The following CAGE1 variants were observed in gnomAD, a reference collection of about 807,000 sequenced individuals.
CAGE1 encodes cancer-associated gene 1 protein.
CAGE1 carries 66 observed loss-of-function variants against 94.9 expected under a neutral mutation model. The observed-to-expected ratio is 0.70, with a 90% CI of 0.57 to 0.85. The LOEUF is 0.85. CAGE1 is among the 40% of genes least tolerant of loss of function. CAGE1 has a pLI of 0.00. For synonymous variants in CAGE1, 319 were observed against 321.0 expected (o/e 0.99, Z 0.07); for missense variants, 865 against 950.4 (o/e 0.91, Z 1.18).
At position 7,339,080 on chromosome 6, in the gene CAGE1, AG is replaced by A. The variant is rs1394130475; in HGVS notation, c.2370-4991del. On this transcript the variant is annotated intron_variant, in intron 11 of 13. Transcript: ENST00000502583. This position sits in a 1 kb window ranked among gnomAD's most constrained non-coding sequence, Gnocchi z 4.7. ...CAGCAGTGTCAACGTAGTAGTTAAC[AG>A]GGTCTCTGCTGTGGATCATCAGGCC... 1.6e-5 allele frequency: 25 copies of A among 1,599,816 alleles called. 1 individual carries two copies. In the Admixed American group the frequency reaches 2.3e-4, roughly 15 times the overall value.
Position 7,359,926 on chromosome 6 carries a change from G to C in CAGE1, c.2194-3797C>G, listed in dbSNP as rs532032727. ...GATTATCTTATAGTTCTGTAGGTGG[G>C]AAGTCTGGCACAGGTCTCACTGGGC... is the stretch of plus-strand genomic sequence containing the variant. On this transcript the variant is annotated intron_variant, in intron 9 of 13. Transcript: ENST00000502583. Among the ~76,000 whole-genome samples the C allele has an allele frequency of 2.6e-5, 4 of 152,272 alleles. No homozygotes were observed. In the South Asian group the frequency reaches 8.3e-4, roughly 32 times the overall value.
At chr6:7,381,105 T>G (rs1224330044) in intron 3 of CAGE1, among the ~76,000 whole-genome samples, 2 of 152,240 alleles carry the variant, frequency 1.3e-5, no homozygotes, top group African/African-American at 2.4e-5. Context: ...ATCTTCTTGT[T>G]GTATACTGTT....
chr6:7,388,338 C>G (rs538479649), intron 1 of CAGE1, among the ~76,000 whole-genome samples: 7 of 152,312 alleles, frequency 4.6e-5, no homozygotes, highest in African/African-American at 1.7e-4. Context: ...GTGCTTCTCT[C>G]CTAAAACCTT....
At chr6:7,333,630 CTATCTAACTATCTATAT>C (rs1758834047) in intron 12 of CAGE1, among the ~76,000 whole-genome samples, 11 of 64,490 alleles carry the variant, frequency 1.7e-4, no homozygotes, top group African/African-American at 9.5e-4. Context: ...ATCTAACTAT[CTATCTAACTATCTATAT>C]ATATATATAT....
At chr6:7,347,515 T>TGGGGGGGG (rs1561853738) in intron 11 of CAGE1, 4 of 15,350 alleles carry the variant, frequency 2.6e-4, no homozygotes, top group African/African-American at 3.2e-4. Context: ...GGGGGGGGGG[T>TGGGGGGGG]TGGGGGGGGC....
At chr6:7,363,288 G>A (rs1275164604) in intron 9 of CAGE1, among the ~76,000 whole-genome samples, 3 of 151,832 alleles carry the variant, frequency 2.0e-5, no homozygotes, top group Admixed American at 1.3e-4. Flanking sequence ...ACAAACAAAT[G>A]TAATACTAAC....
chr6:7,352,290 C>CAAAAAAAAAA (rs77426667), intron 11 of CAGE1, among the ~76,000 whole-genome samples: 168 of 42,584 alleles, frequency 3.9e-3, no homozygotes, highest in Non-Finnish European at 7.8e-3. Context: ...ACAATAGCTG[C>CAAAAAAAAAA]AAAAAAAAAA....
intron 11 of CAGE1, chr6:7,338,835 C>A: frequency 9.0e-7 from 1 of 1,116,606 alleles, no homozygotes; most frequent in African/African-American, 1.5e-5. Flanking sequence ...CCAAGGAGAT[C>A]CTGTTATGCT....
At chr6:7,370,188 T>C (rs1760493121) in intron 5 of CAGE1, 123 bp from the exon 6 acceptor site, 1 of 549,182 alleles carries the variant, frequency 1.8e-6, no homozygotes, top group Non-Finnish European at 3.0e-6. Flanking sequence ...AACTTTTTCA[T>C]CTTAGGATCC....
rs529227951 is a variant in CAGE1, at chr6:7,385,308, G to A, written c.283+477C>T. Among the ~76,000 whole-genome samples the A allele has an allele frequency of 3.5e-3, 490 of 141,742 alleles. 4 individuals are homozygous for A. Among genetic ancestry groups the A allele is most frequent in the Middle Eastern group, 0.014 (4 of 288 alleles). 93.0% of individuals were successfully genotyped at this position (141,742 alleles called of 152,430 possible). A position where few individuals can be genotyped will look rare whatever the true frequency, so the allele number is the denominator to read the frequency against. Reference sequence around the variant, plus strand: ...GCGTGAGCCACCGTGCCTGGCCCCCGCTTTTTTTTTTTAAGAGACAGGTTC... The same window carrying A: ...GCGTGAGCCACCGTGCCTGGCCCCCACTTTTTTTTTTTAAGAGACAGGTTC... On this transcript the variant is annotated intron_variant, in intron 3 of 13. Coordinates refer to ENST00000502583, the MANE Select transcript of CAGE1 (RefSeq NM_001170692.2).
rs538778744 is a variant in CAGE1 at position 7,341,651 on chromosome 6, G to T, written c.2370-7561C>A. 35 of 736,926 alleles carry T rather than the reference G, an allele frequency of 4.7e-5. 1 individual carries two copies. The highest frequency in any genetic ancestry group is 4.6e-4 in the South Asian group (34 of 74,256). The allele number at this position is 736,926 out of a possible 1,614,324, so 45.6% of individuals were successfully genotyped here. On this transcript the variant is annotated intron_variant, in intron 11 of 13. Transcript: ENST00000502583. ...TTTGCAACAGTGATCTCACTCTCCA[G>T]GTGGACAGGAATCAACTCAACCTTC...
chr6:7,342,183 C>CT (rs1759205011), intron 11 of CAGE1: 3 of 984,692 alleles, frequency 3.0e-6, no homozygotes, highest in Middle Eastern at 2.1e-4. Flanking sequence ...GTTGGGCCCC[C>CT]TGCCCATATC....
chr6:7,330,231 T>G (rs1008648335), intron 12 of CAGE1, among the ~76,000 whole-genome samples: 13 of 151,924 alleles, frequency 8.6e-5, no homozygotes, highest in African/African-American at 3.1e-4. Flanking sequence ...CTACCAAAAA[T>G]ACAAAGATTA....
At chr6:7,347,663 G>A (rs1759609759) in intron 11 of CAGE1, among the ~76,000 whole-genome samples, 2 of 152,174 alleles carry the variant, frequency 1.3e-5, no homozygotes, top group Admixed American at 6.5e-5. Context: ...ACAGCTGGGA[G>A]GCAGGTAGCC....
In CAGE1 at chr6:7,354,194, T is replaced by G. The variant is rs142474782; in HGVS notation, c.2369+847A>C. 2.8e-3 allele frequency among the ~76,000 whole-genome samples: 426 copies of G among 152,344 alleles called. 4 individuals carry two copies. The highest frequency in any genetic ancestry group is 9.5e-3 in the African/African-American group (394 of 41,586). Reference sequence around the variant, plus strand: ...TTTTAAATATTAGTTTTTTAATTTTTATATTTCATTGGCCTATGATCATTG... The same window carrying G: ...TTTTAAATATTAGTTTTTTAATTTTGATATTTCATTGGCCTATGATCATTG... On this transcript the variant is annotated intron_variant, in intron 11 of 13. Transcript: ENST00000502583.
chr6:7,348,153 G>A (rs912321836), intron 11 of CAGE1, among the ~76,000 whole-genome samples: 1 of 152,098 alleles, frequency 6.6e-6, no homozygotes, highest in African/African-American at 2.4e-5. Context: ...CCCAAGTTAA[G>A]AACGCTCACA....
In CAGE1 at chr6:7,326,773, A is replaced by G. The variant is rs1361677757; in HGVS notation, c.*85T>C. The G allele has an allele frequency of 1.1e-6, 1 of 916,872 alleles. No homozygotes were observed. Among genetic ancestry groups the G allele is most frequent in the African/African-American group, 1.6e-5 (1 of 60,742 alleles). The allele number at this position is 916,872 out of a possible 1,614,324, so 56.8% of individuals were successfully genotyped here. On this transcript the variant is annotated 3_prime_UTR_variant, in exon 14 of 14. Transcript: ENST00000502583. The stretch of plus-strand genomic sequence containing the variant: ...ATACAGATTTTAATATATCATCTGC[A>G]TGGATTGATTTGGCTAGCATATGTA...
chr6:7,338,771 C>A (rs1055421410), intron 11 of CAGE1: 2 of 731,816 alleles, frequency 2.7e-6, no homozygotes, highest in African/African-American at 3.5e-5. Context: ...TGTCTTTGTA[C>A]AATATTTTAT....
chr6:7,333,338 T>C (rs1758819740), intron 12 of CAGE1, among the ~76,000 whole-genome samples: 2 of 152,290 alleles, frequency 1.3e-5, no homozygotes, highest in South Asian at 4.1e-4. Context: ...AATAGCAGAC[T>C]GTGAGGCTTA....
Sources: allele counts gnomAD v4.1 joint callset (sites outside exome capture counted in the v4.1 genomes callset), GRCh38; gene constraint gnomAD v4.1.1; non-coding constraint Gnocchi (gnomAD v3.1); transcripts MANE v1.5; gene names NCBI Gene and HGNC (gene_info 2026-07-23, HGNC 2026-07-21).